DDX18: variants seen among roughly 807,000 people sequenced by gnomAD.
DDX18 encodes the protein ATP-dependent RNA helicase DDX18.
A neutral mutation model predicts 73.5 loss-of-function variants in DDX18; 23 were observed. The observed-to-expected ratio is 0.31, with a 90% CI of 0.23 to 0.44. The LOEUF (loss-of-function observed/expected upper bound fraction) is 0.44. Ranked by LOEUF, DDX18 falls within the 20% of genes least tolerant of loss-of-function variation. DDX18 has a pLI of 1.00. For missense variants in DDX18, 753 were observed against 792.9 expected (o/e 0.95, Z 0.60); for synonymous variants, 268 against 282.7 (o/e 0.95, Z 0.52).
At chr2:117,820,751 G>T (rs910967574) in intron 3 of DDX18, among the ~76,000 whole-genome samples, 1 of 152,108 alleles carries the variant, frequency 6.6e-6, no homozygotes, top group Non-Finnish European at 1.5e-5. Context: ...TCTTGTTGGA[G>T]TGAGATTAAC....
chr2:117,830,898 C>A lies in DDX18; in HGVS notation c.*174C>A. 1 of 705,486 alleles carries A rather than the reference C, an allele frequency of 1.4e-6. No individual in the cohort carries two copies. Among genetic ancestry groups the A allele is most frequent in the East Asian group, 3.1e-5 (1 of 32,542 alleles). The allele number at this position is 705,486 out of a possible 1,614,324, so 43.7% of individuals were successfully genotyped here. On this transcript the variant is annotated 3_prime_UTR_variant, in exon 14 of 14. Coordinates refer to ENST00000263239, the MANE Select transcript of DDX18 (RefSeq NM_006773.4). ...CTTCTATCACGTCTCTCTTTTATTT[C>A]TGGGATATAAAACAGGCTTTAAGTT...
intron 3 of DDX18, among the ~76,000 whole-genome samples, chr2:117,820,041 C>T (rs1679822478): frequency 6.6e-6 from 1 of 152,162 alleles, no homozygotes; most frequent in African/African-American, 2.4e-5. Flanking sequence ...TGCACACTAG[C>T]AGCTTCTAGG....
chr2:117,820,028 A>G (rs1378110543), intron 3 of DDX18, among the ~76,000 whole-genome samples: 1 of 152,062 alleles, frequency 6.6e-6, no homozygotes, highest in Admixed American at 6.5e-5. Context: ...CAAATATTTT[A>G]TATGCACACT....
rs754833791 is a variant in DDX18, at chr2:117,829,008, A to T, written c.1692+3A>T. On this transcript the variant is annotated splice_donor_region_variant and intron_variant, in intron 12 of 13. Coordinates refer to ENST00000263239, the MANE Select transcript of DDX18 (RefSeq NM_006773.4). Reference sequence around the variant, plus strand: ...AAATTTCTGACATTCAGTCTCAGGTATGTGCTTTTTAAACGTTTGTGAGTA... The same window carrying T: ...AAATTTCTGACATTCAGTCTCAGGTTTGTGCTTTTTAAACGTTTGTGAGTA... 1.2e-6 allele frequency: 2 copies of T among 1,611,400 alleles called. No individual in the cohort carries two copies. Among genetic ancestry groups the T allele is most frequent in the Admixed American group, 3.3e-5 (2 of 59,956 alleles).
chr2:117,826,487 C>G (rs112035467), intron 11 of DDX18, 105 bp downstream of exon 11: 16 of 1,039,248 alleles, frequency 1.5e-5, no homozygotes, highest in African/African-American at 1.3e-4. Context: ...AGTGCTGTTA[C>G]AACCATTCTT....
intron 2 of DDX18, among the ~76,000 whole-genome samples, chr2:117,819,276 G>A (rs143875610): frequency 5.3e-5 from 8 of 152,262 alleles, no homozygotes; most frequent in African/African-American, 1.9e-4. Flanking sequence ...TCTATCTCTA[G>A]TAACATGAAG....
In DDX18 at chr2:117,831,718, A is replaced by G. The variant is rs1292110836; in HGVS notation, c.*994A>G. 1.3e-5 allele frequency: 2 copies of G among 152,224 alleles called. No homozygotes were observed. Among genetic ancestry groups the G allele is most frequent in the Non-Finnish European group, 2.9e-5 (2 of 68,038 alleles). 9.4% of individuals were successfully genotyped at this position (152,224 alleles called of 1,614,324 possible). A position where few individuals can be genotyped will look rare whatever the true frequency, so the allele number is the denominator to read the frequency against. ...ACCTCTTCCAGGCCCTGAAACAAAA[A>G]ATACATTTGCTGTGAAGATTGAAAA... On this transcript the variant is annotated 3_prime_UTR_variant, in exon 14 of 14. Transcript: ENST00000263239.
At position 117,826,312 on chromosome 2, in the gene DDX18, G is replaced by A; in HGVS notation, c.1565G>A (p.Gly522Glu). ...GGTAGAACAGCCAGAGGCCTAAATG[G>A]GAGAGGGCATGCCTTGCTCATTTTG... Reference protein sequence around the residue: ...RVGRTARGLNGRGHALLILRP... With the variant: ...RVGRTARGLNERGHALLILRP... Residue 522 changes from glycine (G) to glutamate (E), a missense_variant, in exon 11 of 14, where the codon GGG (glycine) becomes GAG (glutamate). Transcript: ENST00000263239. 1 of 1,614,012 alleles carries A rather than the reference G, an allele frequency of 6.2e-7. No individual in the cohort carries two copies. Among genetic ancestry groups the A allele is most frequent in the Non-Finnish European group, 8.5e-7 (1 of 1,179,988 alleles).
chr2:117,816,680 G>C (rs1340694980), intron 1 of DDX18, among the ~76,000 whole-genome samples: 1 of 152,070 alleles, frequency 6.6e-6, no homozygotes, highest in African/African-American at 2.4e-5. Flanking sequence ...ACATAAACAA[G>C]TAACATAGTT....
chr2:117,829,590 CTGGTCGA>C (rs1679988925), intron 13 of DDX18, 124 bp downstream of exon 13: 2 of 921,720 alleles, frequency 2.2e-6, no homozygotes, highest in African/African-American at 3.3e-5. Context: ...AGTGTTCACC[CTGGTCGA>C]TGTCTGCTTT....
chr2:117,820,998 AGATATAG>A (rs1027036529), intron 3 of DDX18, among the ~76,000 whole-genome samples, 156 bp from the exon 4 acceptor site: 4 of 152,184 alleles, frequency 2.6e-5, no homozygotes, highest in Non-Finnish European at 5.9e-5. Flanking sequence ...GAAACTTGAA[AGATATAG>A]GGTCTTTTTC....
intron 3 of DDX18, 121 bp from the exon 4 acceptor site, chr2:117,821,040 T>C: frequency 1.1e-6 from 1 of 929,816 alleles, no homozygotes; most frequent in Non-Finnish European, 1.6e-6. Flanking sequence ...TATGAATAAT[T>C]AAGGTTTAGC....
intron 9 of DDX18, 115 bp from the exon 10 acceptor site, chr2:117,825,323 TGGGGAAATA>T: frequency 7.6e-7 from 1 of 1,309,162 alleles, no homozygotes; most frequent in South Asian, 1.4e-5. Flanking sequence ...GCGGAACAGT[TGGGGAAATA>T]GGACATAGGC....
At position 117,829,476 on chromosome 2, in the gene DDX18, T is replaced by C. The variant is rs780268216; in HGVS notation, c.1870+10T>C. 12 of 1,601,094 alleles carry C rather than the reference T, an allele frequency of 7.5e-6. No homozygotes were observed. Among genetic ancestry groups the C allele is most frequent in the East Asian group, 4.5e-5 (2 of 44,816 alleles). On this transcript the variant is annotated intron_variant, in intron 13 of 13. Transcript: ENST00000263239. ...CCCTTCGTTGATCTGAGTATCCTTT[T>C]CTTTAATGAAGTTATCCTGTGACTA...
intron 10 of DDX18, chr2:117,825,811 A>C (rs1049959007): frequency 1.4e-5 from 7 of 508,282 alleles, no homozygotes; most frequent in Admixed American, 7.0e-5. Context: ...AGTGGGACTT[A>C]AGTTATGAAA....
At chr2:117,828,854 A>C (rs1679975357) in intron 11 of DDX18, 95 bp from the exon 12 acceptor site, 5 of 853,784 alleles carry the variant, frequency 5.9e-6, no homozygotes, top group South Asian at 3.1e-5. Context: ...TCCTGAGGGA[A>C]TTTCATAGGC....
chr2:117,815,310 A>G (rs1442199108), intron 1 of DDX18, among the ~76,000 whole-genome samples: 1 of 152,138 alleles, frequency 6.6e-6, no homozygotes, highest in Non-Finnish European at 1.5e-5. Flanking sequence ...GGCTGTTTCC[A>G]CAGAGCTTCT....
rs933016811 is a variant in DDX18 at position 117,831,102 on chromosome 2, G to A, written c.*378G>A. 4.2e-5 allele frequency: 8 copies of A among 190,746 alleles called. No homozygotes were observed. The highest frequency in any genetic ancestry group is 6.4e-5 in the Non-Finnish European group (6 of 94,442). The allele number at this position is 190,746 out of a possible 1,614,324, so 11.8% of individuals were successfully genotyped here. A position where few individuals can be genotyped will look rare whatever the true frequency, so the allele number is the denominator to read the frequency against. ...GGCATGGATTGCTGTGCTCACTGCTGTAAAAGGTGACCTAGTGTACTGGGC... is the reference window on the plus strand; with the variant it reads ...GGCATGGATTGCTGTGCTCACTGCTATAAAAGGTGACCTAGTGTACTGGGC... On this transcript the variant is annotated 3_prime_UTR_variant, in exon 14 of 14. Transcript: ENST00000263239.
At chr2:117,825,142 T>C in intron 9 of DDX18, 41 bp downstream of exon 9, 1 of 1,581,914 alleles carries the variant, frequency 6.3e-7, no homozygotes, top group Non-Finnish European at 8.6e-7. Context: ...AGGGTATGCT[T>C]ATTAAATCCT....
Sources: gnomAD v4.1 joint callset for allele counts (sites outside exome capture counted in the v4.1 genomes callset) on GRCh38, gnomAD v4.1.1 for gene constraint, MANE v1.5 for transcripts, NCBI Gene and HGNC (gene_info 2026-07-23, HGNC 2026-07-21) for gene names.